RRM1: variants seen among roughly 807,000 people sequenced by gnomAD.
RRM1 encodes the protein ribonucleoside-diphosphate reductase large subunit.
RRM1 carries 19 observed loss-of-function variants against 101.5 expected under a neutral mutation model. That is an observed-to-expected ratio of 0.19 (90% CI 0.13 to 0.27). The LOEUF is 0.27. RRM1 is among the 10% of genes least tolerant of loss of function. RRM1 has a pLI of 1.00. For synonymous variants in RRM1, 298 were observed against 323.4 expected, an observed-to-expected ratio of 0.92 and a Z score of 0.84; for missense variants, 500 against 962.9, an observed-to-expected ratio of 0.52 and a Z score of 6.36.
rs1409825700 is a variant in RRM1 at position 4,106,101 on chromosome 11, A to C, written c.164A>C (p.Glu55Ala). 1 of 1,613,934 alleles carries C rather than the reference A, an allele frequency of 6.2e-7. No individual in the cohort carries two copies. ...TTGTACAGTGGGGTCACCACAGTGG[A>C]ACTAGATACTTTGGCTGCTGAAACA... ...QGLYSGVTTV[E>A]LDTLAAETAA... The change falls in exon 3 of 19, where the codon GAA (glutamate) becomes GCA (alanine). Residue 55 changes from glutamate to alanine, a missense_variant. Glu to Ala is a moderately radical substitution (Grantham distance 107). Transcript: ENST00000300738.
chr11:4,135,535 T>C (rs901359362), intron 18 of RRM1, among the ~76,000 whole-genome samples: 2 of 152,210 alleles, frequency 1.3e-5, no homozygotes. Context: ...GTCCGTACAA[T>C]TACCAAGTTG....
At chr11:4,097,547 C>T (rs377655003) in intron 1 of RRM1, among the ~76,000 whole-genome samples, 2 of 151,462 alleles carry the variant, frequency 1.3e-5, no homozygotes, top group Admixed American at 6.6e-5. Flanking sequence ...TTTTGTACCC[C>T]CTTATTTTTG....
chr11:4,107,187 C>T (rs1182059944), intron 3 of RRM1, among the ~76,000 whole-genome samples: 6 of 152,288 alleles, frequency 3.9e-5, no homozygotes, highest in South Asian at 2.1e-4. Context: ...CCACCGCGCC[C>T]GGCCCAGGAA....
At chr11:4,116,483 T>G (rs921543291) in intron 7 of RRM1, 1 of 152,016 alleles carries the variant, frequency 6.6e-6, no homozygotes, top group African/African-American at 2.4e-5. Flanking sequence ...TCCCAGCTAC[T>G]CAGGAAGCTG....
chr11:4,109,054 G>C (rs557231962), intron 4 of RRM1, among the ~76,000 whole-genome samples: 1 of 152,130 alleles, frequency 6.6e-6, no homozygotes, highest in East Asian at 1.9e-4. Context: ...ACAAGGACCA[G>C]TTATGCTCTA....
chr11:4,096,070 G>A (rs1040926247), intron 1 of RRM1, among the ~76,000 whole-genome samples: 1 of 152,312 alleles, frequency 6.6e-6, no homozygotes, highest in Admixed American at 6.5e-5. Flanking sequence ...CTGTCACCCA[G>A]GATGGAATGC....
At chr11:4,136,428 C>G (rs2094609852) in intron 18 of RRM1, among the ~76,000 whole-genome samples, 1 of 152,082 alleles carries the variant, frequency 6.6e-6, no homozygotes, top group Non-Finnish European at 1.5e-5. Context: ...CCATGTTGGC[C>G]AGGCTGGTCT....
intron 7 of RRM1, 133 bp downstream of exon 7, chr11:4,112,195 T>C (rs2094566540): frequency 4.7e-6 from 3 of 638,002 alleles, no homozygotes; most frequent in Admixed American, 6.3e-5. Flanking sequence ...TCTGGAAAGA[T>C]CTCTGACTGT....
intron 7 of RRM1, among the ~76,000 whole-genome samples, chr11:4,114,820 C>A (rs1378399994): frequency 6.6e-6 from 1 of 152,018 alleles, no homozygotes; most frequent in East Asian, 1.9e-4. Context: ...CCAAGTGATT[C>A]TCCTGCCTCA....
At chr11:4,103,946 CAAAA>C (rs34264302) in intron 2 of RRM1, among the ~76,000 whole-genome samples, 16 of 95,056 alleles carry the variant, frequency 1.7e-4, no homozygotes, top group East Asian at 2.8e-4. Flanking sequence ...CCTGTTTCTA[CAAAA>C]AAAAAAAAAA....
intron 1 of RRM1, 139 bp downstream of exon 1, chr11:4,095,170 C>T: frequency 9.5e-7 from 1 of 1,054,626 alleles, no homozygotes; most frequent in Non-Finnish European, 1.4e-6. Flanking sequence ...TCCGCCCTGT[C>T]AGCCCGCTCG....
At position 4,107,515 on chromosome 11, in the gene RRM1, A is replaced by G. The variant is rs905916997; in HGVS notation, c.367A>G (p.Ile123Val). 30 of 1,612,780 alleles carry G rather than the reference A, an allele frequency of 1.9e-5. No individual in the cohort carries two copies. Among genetic ancestry groups the G allele is most frequent in the Non-Finnish European group, 2.5e-5 (29 of 1,178,846 alleles). ...SPMVAKSTLD[I>V]VLANKDRLNS... The stretch of plus-strand genomic sequence containing the variant: ...CATGGTGGCCAAGTCAACATTGGAT[A>G]TTGTTCTGGCCAATAAAGATGTATG... Residue 123 changes from isoleucine to valine, a missense_variant, in exon 4 of 19, where the codon ATT (isoleucine) becomes GTT (valine). Around this residue, in one of 9 missense-constraint regions of RRM1, gnomAD observed 41 missense variants for 40.7 expected, o/e 1.01. Transcript: ENST00000300738.
intron 2 of RRM1, among the ~76,000 whole-genome samples, chr11:4,105,321 C>G (rs1050474241): frequency 5.3e-5 from 8 of 151,304 alleles, no homozygotes; most frequent in African/African-American, 1.9e-4. Flanking sequence ...GTCTTGACTT[C>G]CTCAGCACAA....
At chr11:4,130,086 A>ATATATATATATATATATATATT (rs1202870487) in intron 15 of RRM1, among the ~76,000 whole-genome samples, 10 of 99,444 alleles carry the variant, frequency 1.0e-4, no homozygotes, top group African/African-American at 4.8e-4. Flanking sequence ...ATATATATAT[A>ATATATATATATATATATATATT]TTTTTTTTTT....
chr11:4,138,309 GAGA>G lies in RRM1; in HGVS notation c.2308_2310del (p.Lys770del). On this transcript the variant is annotated inframe_deletion, in exon 19 of 19. Transcript: ENST00000300738. The stretch of plus-strand genomic sequence containing the variant: ...AGAAAAGGTATCAAAAGAGGAAGAA[GAGA>G]AGGAGAGGAACACAGCAGCCATGGT... 1 of 1,613,018 alleles carries G rather than the reference GAGA, an allele frequency of 6.2e-7. No individual in the cohort carries two copies. The highest frequency in any genetic ancestry group is 8.5e-7 in the Non-Finnish European group (1 of 1,179,382).
chr11:4,109,017 G>C (rs1247704195), intron 4 of RRM1, among the ~76,000 whole-genome samples: 2 of 151,988 alleles, frequency 1.3e-5, no homozygotes, highest in East Asian at 3.9e-4. Flanking sequence ...TCCTCTGAAT[G>C]ACTTTGTAGC....
At chr11:4,112,606 C>T (rs1383876392) in intron 7 of RRM1, among the ~76,000 whole-genome samples, 5 of 152,202 alleles carry the variant, frequency 3.3e-5, no homozygotes, top group Non-Finnish European at 7.3e-5. Context: ...TCAGGTGATC[C>T]ACCCGCCTTG....
intron 14 of RRM1, among the ~76,000 whole-genome samples, chr11:4,128,690 A>C (rs1047088951): frequency 2.6e-5 from 4 of 152,352 alleles, no homozygotes; most frequent in African/African-American, 9.6e-5. Context: ...CTGATATTAG[A>C]AAATCTAATG....
intron 2 of RRM1, among the ~76,000 whole-genome samples, chr11:4,105,044 G>C (rs1391462393): frequency 6.6e-6 from 1 of 152,130 alleles, no homozygotes; most frequent in Non-Finnish European, 1.5e-5. Flanking sequence ...AGAATCATTA[G>C]TATGTTTTCA....
Sources: gnomAD v4.1 joint callset for allele counts (sites outside exome capture counted in the v4.1 genomes callset) on GRCh38, gnomAD v4.1.1 for gene constraint, gnomAD v4.1.1 regional missense constraint, MANE v1.5 for transcripts, NCBI Gene and HGNC (gene_info 2026-07-23, HGNC 2026-07-21) for gene names.